RPTOR: variants seen among roughly 807,000 people sequenced by gnomAD.
The protein encoded by RPTOR is regulatory-associated protein of mTOR.
In RPTOR, 21 loss-of-function variants were observed where a neutral mutation model predicts 169.9. The observed-to-expected ratio is 0.12, with a 90% CI of 0.09 to 0.18. The LOEUF (loss-of-function observed/expected upper bound fraction) is 0.18, where lower values mean the gene tolerates loss of function less well. Among genes scored for constraint, RPTOR ranks in the 10% least tolerant of loss-of-function variants. The pLI is 1.00. For synonymous variants in RPTOR, 732 were observed against 753.2 expected (o/e 0.97, Z 0.46); for missense variants, 1,133 against 1,855.9 (o/e 0.61, Z 7.16).
At chr17:80,664,246 C>T (rs1475120338) in intron 3 of RPTOR, among the ~76,000 whole-genome samples, 2 of 152,190 alleles carry the variant, frequency 1.3e-5, no homozygotes, top group Non-Finnish European at 2.9e-5. Context: ...CCTATTCTTT[C>T]TTAATGATTA....
chr17:80,606,999 C>T (rs896580170), intron 1 of RPTOR, among the ~76,000 whole-genome samples: 1 of 152,162 alleles, frequency 6.6e-6, no homozygotes, highest in Non-Finnish European at 1.5e-5. Context: ...TACAGTAGGT[C>T]GTATTACAGA....
At chr17:80,879,172 A>G (rs1294498250) in intron 13 of RPTOR, among the ~76,000 whole-genome samples, 1 of 151,878 alleles carries the variant, frequency 6.6e-6, no homozygotes, top group Non-Finnish European at 1.5e-5. Flanking sequence ...TGAAAACGCA[A>G]CCCACCTCTT....
chr17:80,793,892 C>T (rs1259456800), intron 7 of RPTOR, among the ~76,000 whole-genome samples: 1 of 152,218 alleles, frequency 6.6e-6, no homozygotes, highest in Non-Finnish European at 1.5e-5. Context: ...GCCTTTTCTG[C>T]CTGGTTCGGG....
chr17:80,778,321 C>T (rs573709053), intron 6 of RPTOR, among the ~76,000 whole-genome samples: 1 of 152,160 alleles, frequency 6.6e-6, no homozygotes, highest in Non-Finnish European at 1.5e-5. Flanking sequence ...CTATGTTCTT[C>T]CTTAGCAAAC....
At chr17:80,780,791 T>A (rs1207290839) in intron 6 of RPTOR, among the ~76,000 whole-genome samples, 1 of 152,024 alleles carries the variant, frequency 6.6e-6, no homozygotes, top group Non-Finnish European at 1.5e-5. Context: ...GGGGCCTCAC[T>A]CACACAGCCC....
intron 7 of RPTOR, among the ~76,000 whole-genome samples, chr17:80,798,854 G>T (rs1273428891): frequency 6.6e-6 from 1 of 152,160 alleles, no homozygotes; most frequent in East Asian, 1.9e-4. Context: ...CTGTCAGTGG[G>T]TGCTGGGTGA....
At chr17:80,727,060 C>G (rs1466609134) in intron 4 of RPTOR, among the ~76,000 whole-genome samples, 2 of 152,048 alleles carry the variant, frequency 1.3e-5, no homozygotes, top group Non-Finnish European at 2.9e-5. Context: ...CGCTACACCT[C>G]CGACCACATC....
chr17:80,893,308 T>TGCGCCAGGTGTGTGCGC, intron 19 of RPTOR, among the ~76,000 whole-genome samples: 1 of 140,306 alleles, frequency 7.1e-6, no homozygotes, highest in Non-Finnish European at 1.5e-5. Flanking sequence ...GGTGTGTGTG[T>TGCGCCAGGTGTGTGCGC]GCGCCAGGTG....
At chr17:80,617,452 A>C (rs1599605264) in intron 1 of RPTOR, among the ~76,000 whole-genome samples, 2 of 152,248 alleles carry the variant, frequency 1.3e-5, no homozygotes, top group South Asian at 4.1e-4. Context: ...CTATTTTATC[A>C]TGTAACACTG....
At chr17:80,600,998 G>C (rs965282766) in intron 1 of RPTOR, among the ~76,000 whole-genome samples, 7 of 152,198 alleles carry the variant, frequency 4.6e-5, no homozygotes, top group Non-Finnish European at 1.0e-4. Context: ...TCTTTCCCTT[G>C]GATCTGGATG....
chr17:80,595,084 A>G (rs1217123710), intron 1 of RPTOR, among the ~76,000 whole-genome samples: 5 of 151,506 alleles, frequency 3.3e-5, no homozygotes, highest in Non-Finnish European at 7.4e-5. Flanking sequence ...GGAGAAGAGA[A>G]AGAGAGAGAG....
At chr17:80,813,119 G>T (rs945884740) in intron 7 of RPTOR, among the ~76,000 whole-genome samples, 4 of 152,166 alleles carry the variant, frequency 2.6e-5, no homozygotes, top group African/African-American at 9.7e-5. Context: ...TGTAAACCAT[G>T]GGTTTTATGC....
chr17:80,643,895 G>A, intron 3 of RPTOR, 85 bp downstream of exon 3: 2 of 1,092,512 alleles, frequency 1.8e-6, no homozygotes, highest in South Asian at 1.4e-5. Context: ...GGATCCAAGT[G>A]AGAATTCTGT....
Position 80,898,190 on chromosome 17 carries a change from A to G in RPTOR, c.2401+4325A>G, listed in dbSNP as rs138602752. On this transcript the variant is annotated intron_variant, in intron 20 of 33. Coordinates refer to ENST00000306801, the MANE Select transcript of RPTOR (RefSeq NM_020761.3). ...CTTCAAAAAGTTTTATTCTTCTAGG[A>G]TTTTATTCATTTCAGCTAAGTATTC... Among the ~76,000 whole-genome samples the G allele has an allele frequency of 2.4e-3, 365 of 152,184 alleles. 1 individual carries two copies. The highest frequency in any genetic ancestry group is 8.4e-3 in the African/African-American group (348 of 41,532).
At chr17:80,894,190 C>G (rs995335492) in intron 20 of RPTOR, among the ~76,000 whole-genome samples, 1 of 152,150 alleles carries the variant, frequency 6.6e-6, no homozygotes, top group Non-Finnish European at 1.5e-5. Context: ...GTGCTGGACA[C>G]CCTGGTGATG....
chr17:80,792,693 A>C (rs1311114903), intron 7 of RPTOR, among the ~76,000 whole-genome samples: 4 of 152,128 alleles, frequency 2.6e-5, no homozygotes, highest in Non-Finnish European at 5.9e-5. Context: ...TTTAAAAAAA[A>C]AATGGGACTA....
chr17:80,664,146 C>T (rs1183696213), intron 3 of RPTOR, among the ~76,000 whole-genome samples: 1 of 152,104 alleles, frequency 6.6e-6, no homozygotes, highest in Non-Finnish European at 1.5e-5. Flanking sequence ...ACGTGCAAAC[C>T]ATCTTGGCTG....
intron 20 of RPTOR, among the ~76,000 whole-genome samples, chr17:80,902,043 A>G (rs1309614036): frequency 1.3e-5 from 2 of 152,076 alleles, no homozygotes; most frequent in Non-Finnish European, 2.9e-5. Context: ...AGGTTCTAGA[A>G]TCTTCTTTGA....
intron 6 of RPTOR, among the ~76,000 whole-genome samples, chr17:80,783,262 CT>C (rs1335053146): frequency 6.6e-6 from 1 of 152,048 alleles, no homozygotes; most frequent in Non-Finnish European, 1.5e-5. Flanking sequence ...TCTCTTCCCC[CT>C]CTCTCTCTCC....
Sources: gnomAD v4.1 joint callset for allele counts (sites outside exome capture counted in the v4.1 genomes callset) on GRCh38, gnomAD v4.1.1 for gene constraint, MANE v1.5 for transcripts, NCBI Gene and HGNC (gene_info 2026-07-23, HGNC 2026-07-21) for gene names.